RIMS2: variants seen among roughly 807,000 people sequenced by gnomAD.
RIMS2 encodes the protein regulating synaptic membrane exocytosis protein 2.
RIMS2 carries 59 observed loss-of-function variants against 174.4 expected under a neutral mutation model. That is an observed-to-expected ratio of 0.34 (90% CI 0.27 to 0.42). RIMS2 has a LOEUF of 0.42. Ranked by LOEUF, RIMS2 falls within the 10% of genes least tolerant of loss-of-function variation. RIMS2 has a pLI of 1.00. For synonymous variants in RIMS2, 606 were observed against 572.5 expected, an observed-to-expected ratio of 1.06 and a Z score of -0.84; for missense variants, 1,620 against 1,666.3, an observed-to-expected ratio of 0.97 and a Z score of 0.48.
chr8:104,178,507 G>A (rs1007520947), intron 19 of RIMS2, among the ~76,000 whole-genome samples: 1 of 152,072 alleles, frequency 6.6e-6, no homozygotes, highest in African/African-American at 2.4e-5. Flanking sequence ...CTTTTAAGGA[G>A]TCAATTATAT....
intron 1 of RIMS2, among the ~76,000 whole-genome samples, chr8:103,555,603 T>C (rs1014637222): frequency 1.3e-5 from 2 of 152,040 alleles, no homozygotes; most frequent in Admixed American, 1.3e-4. Flanking sequence ...TCCCGAGATA[T>C]GGAATCAACC....
At chr8:103,911,516 T>G (rs556856013) in intron 5 of RIMS2, among the ~76,000 whole-genome samples, 2 of 152,280 alleles carry the variant, frequency 1.3e-5, no homozygotes, top group African/African-American at 4.8e-5. Context: ...GTGTACACTT[T>G]ATTATTTTAA....
At chr8:103,910,449 T>A in intron 5 of RIMS2, 1 of 1,597,602 alleles carries the variant, frequency 6.3e-7, no homozygotes, top group Non-Finnish European at 8.5e-7. Context: ...TTTGGAATGG[T>A]CTGAACCTCA....
intron 3 of RIMS2, among the ~76,000 whole-genome samples, chr8:103,799,060 C>G (rs1285605092): frequency 1.3e-5 from 2 of 152,002 alleles, no homozygotes; most frequent in African/African-American, 2.4e-5. Context: ...CCTCTAGAAG[C>G]TGGAAATCTC....
At chr8:103,985,588 AAT>A (rs1474207488) in intron 16 of RIMS2, among the ~76,000 whole-genome samples, 2 of 151,946 alleles carry the variant, frequency 1.3e-5, no homozygotes, top group Non-Finnish European at 2.9e-5. Flanking sequence ...TGCCCTTATC[AAT>A]ATATCTCCTG....
chr8:103,813,689 G>A (rs1472192523), intron 3 of RIMS2, among the ~76,000 whole-genome samples: 1 of 152,134 alleles, frequency 6.6e-6, no homozygotes, highest in African/African-American at 2.4e-5. Flanking sequence ...TGCTGAGAAT[G>A]ATGGTTTCCA....
chr8:103,739,403 T>G (rs2097730980), intron 2 of RIMS2, among the ~76,000 whole-genome samples: 1 of 152,082 alleles, frequency 6.6e-6, no homozygotes, highest in Non-Finnish European at 1.5e-5. Context: ...GGGGGAGGGA[T>G]AGCATTAGGA....
At chr8:103,647,459 C>T (rs1564148447) in intron 1 of RIMS2, among the ~76,000 whole-genome samples, 1 of 152,030 alleles carries the variant, frequency 6.6e-6, no homozygotes, top group Non-Finnish European at 1.5e-5. Flanking sequence ...AGAGGGGAGA[C>T]CCTCCTTTTT....
intron 1 of RIMS2, among the ~76,000 whole-genome samples, chr8:103,576,442 CAA>C (rs1359246857): frequency 1.3e-5 from 2 of 152,082 alleles, no homozygotes; most frequent in Non-Finnish European, 2.9e-5. Context: ...TTCAAAAAAA[CAA>C]GAGCAAAGAG....
At chr8:103,917,870 G>A (rs931983382) in intron 8 of RIMS2, among the ~76,000 whole-genome samples, 8 of 152,124 alleles carry the variant, frequency 5.3e-5, no homozygotes, top group African/African-American at 1.9e-4. Flanking sequence ...AAATTAGGCT[G>A]AGGCAGGAGA....
At chr8:103,785,176 C>T (rs1472922445) in intron 3 of RIMS2, among the ~76,000 whole-genome samples, 20 of 144,744 alleles carry the variant, frequency 1.4e-4, no homozygotes, top group Admixed American at 2.8e-4. Flanking sequence ...TGGGCTGAGA[C>T]GATGGGGTTT....
rs552808062 is a variant in RIMS2, at chr8:103,804,976, G to C, written c.698+38439G>C. Among the ~76,000 whole-genome samples the C allele has an allele frequency of 9.2e-5, 14 of 151,740 alleles. 1 individual carries two copies. In the East Asian group the frequency reaches 2.7e-3, roughly 29 times the overall value. ...CACACCCAGCTAATTTTTTATTTTT[G>C]TTAAGATGGGGTCTGACTATGTTGC... On this transcript the variant is annotated intron_variant, in intron 3 of 23. Transcript: ENST00000504942.
intron 1 of RIMS2, among the ~76,000 whole-genome samples, chr8:103,691,886 C>T (rs2097030383): frequency 6.6e-6 from 1 of 152,118 alleles, no homozygotes; most frequent in Non-Finnish European, 1.5e-5. Context: ...TGTCTTAGAT[C>T]AGTGTAGCTG....
chr8:104,177,951 T>A (rs961773647), intron 19 of RIMS2, among the ~76,000 whole-genome samples: 1 of 152,132 alleles, frequency 6.6e-6, no homozygotes, highest in African/African-American at 2.4e-5. Context: ...GTCAAAGCTT[T>A]AATAAAGAAC....
chr8:103,851,479 T>C (rs1251359526), intron 3 of RIMS2, among the ~76,000 whole-genome samples: 2 of 151,818 alleles, frequency 1.3e-5, no homozygotes, highest in Non-Finnish European at 2.9e-5. Context: ...ATATTCTATA[T>C]AGTTAGAACA....
intron 10 of RIMS2, among the ~76,000 whole-genome samples, chr8:103,923,011 C>T (rs1415477673): frequency 1.3e-5 from 2 of 151,606 alleles, no homozygotes; most frequent in African/African-American, 2.4e-5. Context: ...CTTTGTATTT[C>T]ATAAACAGAG....
chr8:103,639,773 A>G (rs1369606368), intron 1 of RIMS2, among the ~76,000 whole-genome samples: 1 of 151,946 alleles, frequency 6.6e-6, no homozygotes, highest in Non-Finnish European at 1.5e-5. Context: ...TTTTTGTGTG[A>G]ACATAAGTTT....
At chr8:103,969,235 C>A (rs1186514371) in intron 15 of RIMS2, among the ~76,000 whole-genome samples, 3 of 151,986 alleles carry the variant, frequency 2.0e-5, no homozygotes. Context: ...TGGTTCCTGA[C>A]ATTAGTTTGG....
chr8:103,875,354 CA>C (rs1258705454), intron 3 of RIMS2, among the ~76,000 whole-genome samples: 1 of 151,958 alleles, frequency 6.6e-6, no homozygotes, highest in Non-Finnish European at 1.5e-5. Flanking sequence ...TGAGTAAGAA[CA>C]TACAATATTT....
Sources: gnomAD v4.1 joint callset for allele counts (sites outside exome capture counted in the v4.1 genomes callset) on GRCh38, gnomAD v4.1.1 for gene constraint, MANE v1.5 for transcripts, NCBI Gene and HGNC (gene_info 2026-07-23, HGNC 2026-07-21) for gene names.